Variants in SCFD2 observed in about 807,000 individuals in gnomAD.
SCFD2 encodes sec1 family domain containing 2, also known as sec1 family domain-containing protein 2.
Under a neutral mutation model 58.9 loss-of-function variants are expected in SCFD2, and 54 were observed. The observed-to-expected ratio is 0.92, with a 90% CI of 0.74 to 1.15. The LOEUF (loss-of-function observed/expected upper bound fraction) is 1.15, where lower values mean the gene tolerates loss of function less well. Among genes scored for constraint, SCFD2 ranks in the 50% most tolerant of loss-of-function variants. The pLI is 0.00. For synonymous variants in SCFD2, 321 were observed against 335.9 expected (o/e 0.96, Z 0.49); for missense variants, 805 against 836.6 (o/e 0.96, Z 0.47).
At chr4:53,030,977 A>G (rs766990795) in intron 5 of SCFD2, among the ~76,000 whole-genome samples, 167 of 152,322 alleles carry the variant, frequency 1.1e-3, no homozygotes, top group Non-Finnish European at 2.0e-3. Context: ...TGACACACAT[A>G]ACAAATGCAT....
intron 5 of SCFD2, among the ~76,000 whole-genome samples, chr4:52,997,649 T>C (rs1721773794): frequency 6.6e-6 from 1 of 152,190 alleles, no homozygotes; most frequent in Admixed American, 6.5e-5. Context: ...GGCTTAGGCC[T>C]GGGGAAAACA....
At chr4:53,198,186 T>C (rs553302294) in intron 4 of SCFD2, among the ~76,000 whole-genome samples, 2 of 152,182 alleles carry the variant, frequency 1.3e-5, no homozygotes, top group South Asian at 4.1e-4. Context: ...TATTTAATAA[T>C]TGAAAGCCTT....
At chr4:52,987,177 G>C (rs528884506) in intron 5 of SCFD2, among the ~76,000 whole-genome samples, 1 of 151,914 alleles carries the variant, frequency 6.6e-6, no homozygotes. Flanking sequence ...TACAGGTGCC[G>C]GCCACTGCGC....
chr4:52,956,078 T>C (rs1720705440), intron 5 of SCFD2: 1 of 456,520 alleles, frequency 2.2e-6, no homozygotes, highest in Admixed American at 2.3e-5. Flanking sequence ...CCCTCCCAGC[T>C]TGAGGTCTCT....
intron 3 of SCFD2, among the ~76,000 whole-genome samples, chr4:53,295,364 C>A (rs1196010555): frequency 2.6e-5 from 4 of 152,030 alleles, no homozygotes; most frequent in Non-Finnish European, 5.9e-5. Flanking sequence ...AAATCCCTTG[C>A]AAGTTGAATT....
chr4:53,111,584 A>T (rs1374000168), intron 5 of SCFD2, among the ~76,000 whole-genome samples: 1 of 152,148 alleles, frequency 6.6e-6, no homozygotes, highest in Non-Finnish European at 1.5e-5. Context: ...CCTGGAAACA[A>T]AGTCTCTGGA....
At chr4:52,952,202 C>A (rs1374879162) in intron 5 of SCFD2, among the ~76,000 whole-genome samples, 1 of 151,946 alleles carries the variant, frequency 6.6e-6, no homozygotes, top group African/African-American at 2.4e-5. Flanking sequence ...CAAAGCCACT[C>A]CCTACCATAT....
rs145151679 is a variant in SCFD2 at position 53,041,937 on chromosome 4, G to A, written c.1561+103396C>T. Among the ~76,000 whole-genome samples, 434 of 152,204 alleles carry A rather than the reference G, an allele frequency of 2.9e-3. 3 individuals carry two copies. Among genetic ancestry groups the A allele is most frequent in the African/African-American group, 0.01 (421 of 41,550 alleles). ...CTCTTTTCAGTAGTGACAGCATGGA[G>A]CATAAATGTTCCACTTTGTTAAGAC... On this transcript the variant is annotated intron_variant, in intron 5 of 8. Transcript: ENST00000401642.
At chr4:53,008,986 A>T (rs1722038942) in intron 5 of SCFD2, among the ~76,000 whole-genome samples, 2 of 152,166 alleles carry the variant, frequency 1.3e-5, no homozygotes, top group South Asian at 4.1e-4. Flanking sequence ...TGATGTGGAG[A>T]TCTGGGTCTT....
In SCFD2 at chr4:53,022,006, G is replaced by T. The variant is rs1722360927; in HGVS notation, c.1562-101136C>A. Among the ~76,000 whole-genome samples, 3 of 152,132 alleles carry T rather than the reference G, an allele frequency of 2.0e-5. No individual in the cohort carries two copies. In the South Asian group the frequency reaches 6.2e-4, roughly 31 times the overall value. On this transcript the variant is annotated intron_variant, in intron 5 of 8. Coordinates refer to ENST00000401642, the MANE Select transcript of SCFD2 (RefSeq NM_152540.4). ...TGTGAAAAATGAGGAGGGGGTCACA[G>T]GTCCATGTATCATAGAGCATGATGG...
intron 2 of SCFD2, among the ~76,000 whole-genome samples, chr4:53,348,290 T>A (rs1442928551): frequency 2.0e-5 from 3 of 152,250 alleles, no homozygotes; most frequent in African/African-American, 7.2e-5. Context: ...TACTGCTTTT[T>A]AAAGACTTTT....
intron 5 of SCFD2, among the ~76,000 whole-genome samples, chr4:52,924,770 C>T (rs545151678): frequency 6.6e-6 from 1 of 152,214 alleles, no homozygotes; most frequent in East Asian, 1.9e-4. Flanking sequence ...GGATAAATGA[C>T]GTATGCAAGA....
intron 5 of SCFD2, among the ~76,000 whole-genome samples, chr4:52,984,840 A>G (rs1297414643): frequency 6.6e-6 from 1 of 152,236 alleles, no homozygotes; most frequent in Non-Finnish European, 1.5e-5. Context: ...AACAACTTTA[A>G]TGAAATGCAG....
chr4:53,040,225 A>G (rs1390093995), intron 5 of SCFD2, among the ~76,000 whole-genome samples: 1 of 152,276 alleles, frequency 6.6e-6, no homozygotes, highest in African/African-American at 2.4e-5. Flanking sequence ...ATGTTATCAA[A>G]TGAAGCAATA....
At position 53,133,260 on chromosome 4, in the gene SCFD2, G is replaced by A. The variant is rs148249893; in HGVS notation, c.1561+12073C>T. Among the ~76,000 whole-genome samples the A allele has an allele frequency of 9.2e-3, 1,381 of 150,532 alleles. 25 individuals are homozygous for A. The highest frequency in any genetic ancestry group is 0.032 in the African/African-American group (1,308 of 40,854). The stretch of plus-strand genomic sequence containing the variant: ...GGAGAATGGCGTGAACCCGGGAGGC[G>A]GAGCTTGCAGTGAGCCCAGATCGCG... On this transcript the variant is annotated intron_variant, in intron 5 of 8. Coordinates refer to ENST00000401642, the MANE Select transcript of SCFD2 (RefSeq NM_152540.4).
chr4:52,949,836 G>A (rs1011194297), intron 5 of SCFD2: 1 of 152,330 alleles, frequency 6.6e-6, no homozygotes, highest in East Asian at 1.9e-4. Flanking sequence ...TTGTGAGAGT[G>A]CACAAGATGT....
At chr4:52,936,100 G>T (rs762809803) in intron 5 of SCFD2, among the ~76,000 whole-genome samples, 2 of 152,116 alleles carry the variant, frequency 1.3e-5, no homozygotes, top group Non-Finnish European at 2.9e-5. Flanking sequence ...TCCTCCCAAA[G>T]TGCTGGGATT....
At chr4:53,011,907 C>T (rs1415679462) in intron 5 of SCFD2, among the ~76,000 whole-genome samples, 2 of 151,630 alleles carry the variant, frequency 1.3e-5, no homozygotes, top group Admixed American at 6.6e-5. Flanking sequence ...AGGCTGAAAC[C>T]GACATTGATT....
chr4:53,100,599 C>T (rs1724806095), intron 5 of SCFD2, among the ~76,000 whole-genome samples: 1 of 152,062 alleles, frequency 6.6e-6, no homozygotes, highest in Non-Finnish European at 1.5e-5. Context: ...TAAAAAGTTG[C>T]TTTTATAACT....
Sources: allele counts gnomAD v4.1 joint callset (sites outside exome capture counted in the v4.1 genomes callset), GRCh38; gene constraint gnomAD v4.1.1; transcripts MANE v1.5; gene names NCBI Gene and HGNC (gene_info 2026-07-23, HGNC 2026-07-21).